CPE: variants seen among roughly 807,000 people sequenced by gnomAD.
CPE encodes carbocypeptidase E.
In CPE, 17 loss-of-function variants were observed where a neutral mutation model predicts 53.5. The ratio of observed to expected loss-of-function variants is 0.32; its 90% CI spans 0.22 to 0.48. The LOEUF is 0.48. Ranked by LOEUF, CPE falls within the 20% of genes least tolerant of loss-of-function variation. CPE has a pLI of 0.99. For synonymous variants in CPE, 226 were observed against 228.8 expected, an observed-to-expected ratio of 0.99 and a Z score of 0.11; for missense variants, 524 against 614.7, an observed-to-expected ratio of 0.85 and a Z score of 1.56.
chr4:165,452,984 C>CTTTT (rs895144839), intron 1 of CPE, among the ~76,000 whole-genome samples: 1 of 149,518 alleles, frequency 6.7e-6, no homozygotes, highest in Non-Finnish European at 1.5e-5. Context: ...TTCTTTCTTT[C>CTTTT]TTTTTTTTTT....
At chr4:165,414,239 T>C (rs2126669476) in intron 1 of CPE, among the ~76,000 whole-genome samples, 1 of 152,354 alleles carries the variant, frequency 6.6e-6, no homozygotes, top group South Asian at 2.1e-4. Flanking sequence ...ATTGATCAGA[T>C]TGGATTTATC....
chr4:165,469,489 A>G (rs1022641133), intron 3 of CPE, among the ~76,000 whole-genome samples: 1 of 152,114 alleles, frequency 6.6e-6, no homozygotes, highest in Non-Finnish European at 1.5e-5. Flanking sequence ...GCTCCTAAAC[A>G]TACCATTTTC....
chr4:165,458,958 T>G (rs1235487424), intron 1 of CPE, among the ~76,000 whole-genome samples: 12 of 152,264 alleles, frequency 7.9e-5, no homozygotes, highest in Non-Finnish European at 1.8e-4. Flanking sequence ...CTCACCCTAC[T>G]GACATGTGGA....
chr4:165,398,076 AC>A (rs1730801385), intron 1 of CPE, among the ~76,000 whole-genome samples: 1 of 150,576 alleles, frequency 6.6e-6, no homozygotes, highest in Non-Finnish European at 1.5e-5. Flanking sequence ...AAAAAACAAA[AC>A]CCCACTAAGG....
intron 1 of CPE, among the ~76,000 whole-genome samples, chr4:165,393,050 A>G (rs1419328491): frequency 1.3e-5 from 2 of 152,020 alleles, no homozygotes; most frequent in Non-Finnish European, 2.9e-5. Context: ...CATGGAATAT[A>G]AAGATGTTAT....
intron 1 of CPE, among the ~76,000 whole-genome samples, chr4:165,459,021 T>C (rs1389124298): frequency 6.6e-6 from 1 of 152,224 alleles, no homozygotes; most frequent in East Asian, 1.9e-4. Flanking sequence ...CCTTTTACCA[T>C]TTGGGAACAT....
intron 1 of CPE, chr4:165,404,570 G>A (rs780647154): frequency 1.9e-5 from 19 of 982,858 alleles, no homozygotes; most frequent in Middle Eastern, 2.1e-4. Flanking sequence ...CACATGTTTC[G>A]CTACATCCAC....
chr4:165,474,653 C>T (rs529027499), intron 3 of CPE, among the ~76,000 whole-genome samples: 1 of 152,302 alleles, frequency 6.6e-6, no homozygotes, highest in East Asian at 1.9e-4. Flanking sequence ...CCTTGTTCAT[C>T]CTTGGGACTC....
At chr4:165,387,536 C>T (rs1730612598) in intron 1 of CPE, among the ~76,000 whole-genome samples, 1 of 152,134 alleles carries the variant, frequency 6.6e-6, no homozygotes, top group African/African-American at 2.4e-5. Context: ...CCTGGCCGGG[C>T]GTGGTGTCTC....
intron 1 of CPE, chr4:165,386,339 T>TA (rs762531613): frequency 1.3e-5 from 6 of 470,520 alleles, no homozygotes; most frequent in South Asian, 3.2e-5. Flanking sequence ...TTTATATATA[T>TA]TTTTTAATCC....
chr4:165,455,983 C>T (rs1731895463), intron 1 of CPE, among the ~76,000 whole-genome samples: 4 of 152,054 alleles, frequency 2.6e-5, no homozygotes, highest in Admixed American at 2.6e-4. Flanking sequence ...AATCTGAAGG[C>T]TTTCATAGGT....
chr4:165,491,125 T>C (rs1732596364), intron 6 of CPE, among the ~76,000 whole-genome samples: 1 of 152,210 alleles, frequency 6.6e-6, no homozygotes, highest in Admixed American at 6.5e-5. Context: ...CTTCTTTAAC[T>C]ATTTGTTAAA....
chr4:165,411,815 G>A (rs529656474), intron 1 of CPE, among the ~76,000 whole-genome samples: 1 of 152,116 alleles, frequency 6.6e-6, no homozygotes, highest in African/African-American at 2.4e-5. Context: ...GTGGATTCTG[G>A]TTCTACCCAT....
chr4:165,390,375 A>G (rs1268823253), intron 1 of CPE, among the ~76,000 whole-genome samples: 1 of 152,096 alleles, frequency 6.6e-6, no homozygotes, highest in Non-Finnish European at 1.5e-5. Context: ...TCTCCATACA[A>G]TGGGTCAGAC....
At chr4:165,384,986 G>A (rs532965515) in intron 1 of CPE, among the ~76,000 whole-genome samples, 1 of 152,112 alleles carries the variant, frequency 6.6e-6, no homozygotes, top group Admixed American at 6.5e-5. Flanking sequence ...AGCTGAAAAG[G>A]ACACATAATT....
In CPE at chr4:165,482,379, C is replaced by T. The variant is rs1487811817; in HGVS notation, c.790+20C>T. Reference sequence around the variant, plus strand: ...GGAGTGGTAGGTATTCTTTCTGCTTCTCTTATTGGTTCAAAGTTTATAACA... The same window carrying T: ...GGAGTGGTAGGTATTCTTTCTGCTTTTCTTATTGGTTCAAAGTTTATAACA... On this transcript the variant is annotated intron_variant, in intron 4 of 8. Transcript: ENST00000402744. 1.3e-6 allele frequency: 2 copies of T among 1,523,448 alleles called. No individual in the cohort carries two copies. The highest frequency in any genetic ancestry group is 1.8e-6 in the Non-Finnish European group (2 of 1,098,196). The allele number at this position is 1,523,448 out of a possible 1,614,324, so 94.4% of individuals were successfully genotyped here. A position where few individuals can be genotyped will look rare whatever the true frequency, so the allele number is the denominator to read the frequency against.
At position 165,441,507 on chromosome 4, in the gene CPE, C is replaced by T. The variant is rs969565464; in HGVS notation, c.308-22883C>T. Among the ~76,000 whole-genome samples the T allele has an allele frequency of 1.4e-4, 22 of 152,302 alleles. No homozygotes were observed. In the South Asian group the frequency reaches 1.7e-3, roughly 11 times the overall value. Reference sequence around the variant, plus strand: ...GGCTCTCTCAAGCCAGCTTCATAGACTCGCTAACCTTATTTTACAAGTAGC... The same window carrying T: ...GGCTCTCTCAAGCCAGCTTCATAGATTCGCTAACCTTATTTTACAAGTAGC... On this transcript the variant is annotated intron_variant, in intron 1 of 8. Coordinates refer to ENST00000402744, the MANE Select transcript of CPE (RefSeq NM_001873.4).
intron 1 of CPE, among the ~76,000 whole-genome samples, chr4:165,458,185 C>T (rs1393362777): frequency 1.3e-5 from 2 of 152,154 alleles, no homozygotes; most frequent in African/African-American, 4.8e-5. Flanking sequence ...GCTTGTATAG[C>T]AGTTTGTAAA....
chr4:165,388,004 C>A (rs1235290670), intron 1 of CPE, among the ~76,000 whole-genome samples: 1 of 152,152 alleles, frequency 6.6e-6, no homozygotes, highest in African/African-American at 2.4e-5. Flanking sequence ...TCAATGTAGG[C>A]AACTCCTCAT....
Sources: allele counts gnomAD v4.1 joint callset (sites outside exome capture counted in the v4.1 genomes callset), GRCh38; gene constraint gnomAD v4.1.1; transcripts MANE v1.5; gene names NCBI Gene and HGNC (gene_info 2026-07-23, HGNC 2026-07-21).